Variants in CDK5RAP2 observed in about 807,000 individuals in gnomAD.
The protein encoded by CDK5RAP2 is CDK5 regulatory subunit associated protein 2.
A neutral mutation model predicts 232.9 loss-of-function variants in CDK5RAP2; 147 were observed. The observed-to-expected ratio is 0.63, with a 90% confidence interval of 0.55 to 0.72. The LOEUF (loss-of-function observed/expected upper bound fraction) is 0.72, where lower values mean the gene tolerates loss of function less well. CDK5RAP2 is among the 30% of genes least tolerant of loss of function. The probability of loss-of-function intolerance (pLI) is 0.00; values close to 1 mark genes in which losing one functional copy is unlikely to be tolerated. For synonymous variants in CDK5RAP2, 833 were observed against 833.7 expected, an observed-to-expected ratio of 1.00 and a Z score of 0.01; for missense variants, 2,195 against 2,231.5, an observed-to-expected ratio of 0.98 and a Z score of 0.33.
chr9:120,528,173 T>C (rs1175895595), intron 9 of CDK5RAP2, among the ~76,000 whole-genome samples: 2 of 152,190 alleles, frequency 1.3e-5, no homozygotes, highest in East Asian at 3.9e-4. Flanking sequence ...GCTATTCCTA[T>C]GGGAAGGATT....
At chr9:120,534,526 C>A (rs1357629899) in intron 7 of CDK5RAP2, among the ~76,000 whole-genome samples, 1 of 152,186 alleles carries the variant, frequency 6.6e-6, no homozygotes, top group Non-Finnish European at 1.5e-5. Context: ...GGAACCCAGG[C>A]TGTATCACTC....
rs12237875 is a variant in CDK5RAP2, at chr9:120,569,106, G to A, written c.128-718C>T. Among the ~76,000 whole-genome samples, 1,193 of 152,276 alleles carry A rather than the reference G, an allele frequency of 7.8e-3. 51 individuals carry two copies. Among genetic ancestry groups the A allele is most frequent in the Admixed American group, 0.056 (862 of 15,284 alleles). On this transcript the variant is annotated intron_variant, in intron 2 of 37. Coordinates refer to ENST00000349780, the MANE Select transcript of CDK5RAP2 (RefSeq NM_018249.6). ...GAGACACTAATCCTGCATCCAAGAG[G>A]TTCCCTATCGAGTGAGCAGGATGGA...
At chr9:120,573,620 C>T (rs1248648659) in intron 1 of CDK5RAP2, among the ~76,000 whole-genome samples, 1 of 151,762 alleles carries the variant, frequency 6.6e-6, no homozygotes, top group Admixed American at 6.6e-5. Context: ...CAGAATATGT[C>T]CTCAATTATG....
intron 17 of CDK5RAP2, among the ~76,000 whole-genome samples, chr9:120,469,826 A>G (rs1588422777): frequency 6.6e-6 from 1 of 152,298 alleles, no homozygotes; most frequent in African/African-American, 2.4e-5. Flanking sequence ...CAAAAAAAAG[A>G]GGTGAACAGC....
intron 12 of CDK5RAP2, among the ~76,000 whole-genome samples, chr9:120,496,853 G>GC (rs2039301046): frequency 7.1e-6 from 1 of 140,876 alleles, no homozygotes; most frequent in Non-Finnish European, 1.5e-5. Context: ...CTGCCCGGCC[G>GC]CCCCTACTGG....
intron 22 of CDK5RAP2, 108 bp downstream of exon 22, chr9:120,447,787 A>G: frequency 1.2e-6 from 1 of 863,906 alleles, no homozygotes; most frequent in Middle Eastern, 2.6e-4. Context: ...AATTCATGAA[A>G]TTTATACTCA....
intron 7 of CDK5RAP2, among the ~76,000 whole-genome samples, chr9:120,530,610 A>G (rs1308826490): frequency 6.6e-6 from 1 of 152,140 alleles, no homozygotes; most frequent in Non-Finnish European, 1.5e-5. Context: ...ACCAACCCAA[A>G]TATCCAACAA....
chr9:120,443,486 C>A, intron 23 of CDK5RAP2, 134 bp downstream of exon 23: 1 of 1,061,820 alleles, frequency 9.4e-7, no homozygotes, highest in Non-Finnish European at 1.5e-6. Context: ...CCTCAGCTTC[C>A]CATGTGTTAG....
At chr9:120,535,837 C>T in intron 7 of CDK5RAP2, among the ~76,000 whole-genome samples, 1 of 152,228 alleles carries the variant, frequency 6.6e-6, no homozygotes, top group African/African-American at 2.4e-5. Context: ...ATTTTTGACA[C>T]CTTGCCCTGT....
In CDK5RAP2 at chr9:120,394,681, C is replaced by G. The variant is rs549019295; in HGVS notation, c.5452-43G>C. On this transcript the variant is annotated intron_variant, in intron 35 of 37. Transcript: ENST00000349780. Reference sequence around the variant, plus strand: ...TAGAAAAATGAACAAAGAACATAAACATCATGTTACACAGGAAGAATTACA... The same window carrying G: ...TAGAAAAATGAACAAAGAACATAAAGATCATGTTACACAGGAAGAATTACA... The G allele has an allele frequency of 4.3e-6, 6 of 1,411,502 alleles. No individual in the cohort carries two copies. In the African/African-American group the frequency reaches 8.5e-5, roughly 20 times the overall value. The allele number at this position is 1,411,502 out of a possible 1,614,324, so 87.4% of individuals were successfully genotyped here. A position where few individuals can be genotyped will look rare whatever the true frequency, so the allele number is the denominator to read the frequency against.
rs551805746 is a variant in CDK5RAP2 at position 120,438,456 on chromosome 9, G to A, written c.3723-929C>T. Among the ~76,000 whole-genome samples the A allele has an allele frequency of 2.0e-5, 3 of 152,332 alleles. No individual in the cohort carries two copies. In the East Asian group the frequency reaches 5.8e-4, roughly 29 times the overall value. On this transcript the variant is annotated intron_variant, in intron 24 of 37. Transcript: ENST00000349780. The stretch of plus-strand genomic sequence containing the variant: ...GGGCCAGTATCATGTGAGTACTGGA[G>A]TAACATGGGTAAACATGGGTAACTC...
chr9:120,528,773 CCT>C lies in CDK5RAP2; in HGVS notation c.848_849del (p.Lys283ArgfsTer6). ...ATCCTCTCTTCAAAGCTGTTTCTCT[CCT>C]TCTGATGCTCCATTTGTGCAGCCTA... Reference protein sequence around the residue: ...ETEAAQMEHQKERNSFEERIQ... With the variant: ...ETEAAQMEHQXERNSFEERIQ... On this transcript the variant is annotated frameshift_variant, in exon 9 of 38. Transcript: ENST00000349780. LOFTEE classifies it high-confidence loss of function. 1 of 1,610,164 alleles carries C rather than the reference CCT, an allele frequency of 6.2e-7. No individual in the cohort carries two copies.
rs569635459 is a variant in CDK5RAP2 at position 120,570,115 on chromosome 9, G to A, written c.128-1727C>T. On this transcript the variant is annotated intron_variant, in intron 2 of 37. Transcript: ENST00000349780. ...ACAAAAGGAAGGAGAGACAGCCCAG[G>A]CAAAAGCACAGAGGTGGGAGTGGGC... Among the ~76,000 whole-genome samples, 33 of 152,288 alleles carry A rather than the reference G, an allele frequency of 2.2e-4. No individual in the cohort carries two copies. In the South Asian group the frequency reaches 6.8e-3, roughly 32 times the overall value.
chr9:120,496,117 C>T (rs2039211600), intron 12 of CDK5RAP2, among the ~76,000 whole-genome samples: 6 of 80,152 alleles, frequency 7.5e-5, no homozygotes, highest in Admixed American at 2.9e-4. Context: ...AGTGAGGAGC[C>T]CCTCTGCCCG....
chr9:120,413,561 G>A (rs1275686430), intron 28 of CDK5RAP2, among the ~76,000 whole-genome samples: 5 of 152,304 alleles, frequency 3.3e-5, no homozygotes, highest in Non-Finnish European at 7.3e-5. Context: ...CCGTCAGAGT[G>A]AATTACTCTC....
At chr9:120,525,764 ACG>A (rs1006601980) in intron 10 of CDK5RAP2, among the ~76,000 whole-genome samples, 21 of 152,064 alleles carry the variant, frequency 1.4e-4, no homozygotes, top group African/African-American at 5.1e-4. Context: ...CCACAGGCGC[ACG>A]CCACCATATC....
chr9:120,453,327 G>A (rs2036575362), intron 21 of CDK5RAP2, 129 bp downstream of exon 21: 4 of 828,072 alleles, frequency 4.8e-6, no homozygotes, highest in Non-Finnish European at 7.5e-6. Context: ...GCCAGGGTAA[G>A]TGCAAGCAGA....
intron 20 of CDK5RAP2, 142 bp downstream of exon 20, chr9:120,458,308 G>T: frequency 1.3e-6 from 1 of 797,248 alleles, no homozygotes; most frequent in Non-Finnish European, 2.1e-6. Context: ...TTAATTTCAT[G>T]ACTGGCAAGA....
At chr9:120,458,709 G>A (rs2036922547) in intron 19 of CDK5RAP2, 87 bp from the exon 20 acceptor site, 2 of 1,254,052 alleles carry the variant, frequency 1.6e-6, no homozygotes, top group East Asian at 2.3e-5. Flanking sequence ...CAGGGTAAGT[G>A]AGTAAGTGAA....
Sources: gnomAD v4.1 joint callset for allele counts (sites outside exome capture counted in the v4.1 genomes callset) on GRCh38, gnomAD v4.1.1 for gene constraint, MANE v1.5 for transcripts, NCBI Gene and HGNC (gene_info 2026-07-23, HGNC 2026-07-21) for gene names.